CCNL2: variants seen among roughly 807,000 people sequenced by gnomAD.
The protein encoded by CCNL2 is cyclin-L2.
In CCNL2, 28 loss-of-function variants were observed where a neutral mutation model predicts 59.1. That is an observed-to-expected ratio of 0.47 (90% CI 0.35 to 0.65). CCNL2 has a LOEUF of 0.65. Among genes scored for constraint, CCNL2 ranks in the 30% least tolerant of loss-of-function variants. CCNL2 has a pLI of 0.00. For synonymous variants in CCNL2, 342 were observed against 288.6 expected (o/e 1.19, Z -1.88); for missense variants, 714 against 717.4 (o/e 1.00, Z 0.05).
rs1293290546 is a variant in CCNL2 at position 1,388,004 on chromosome 1, C to T, written c.1068G>A (p.Lys356=). The T allele has an allele frequency of 1.2e-6, 2 of 1,613,990 alleles. No individual in the cohort carries two copies. The highest frequency in any genetic ancestry group is 3.3e-5 in the Admixed American group (2 of 60,014). ...KPSPLSVKNT[K]RRLEGAKKAK... ...CTTTCTTGGCGCCCTCCAGCCTCCT[C>T]TTGGTGTTCTTCACAGACAGTGGGG... Residue 356 remains lysine, a synonymous_variant, in exon 9 of 11, where the codon AAG becomes AAA. Coordinates refer to ENST00000400809, the MANE Select transcript of CCNL2 (RefSeq NM_030937.6).
chr1:1,399,054 T>G lies in CCNL2; in HGVS notation c.253A>C (p.Ile85Leu). 1 of 1,607,402 alleles carries G rather than the reference T, an allele frequency of 6.2e-7. No individual in the cohort carries two copies. Among genetic ancestry groups the G allele is most frequent in the Non-Finnish European group, 8.5e-7 (1 of 1,177,928 alleles). Residue 85 changes from isoleucine to leucine, a missense_variant, in exon 1 of 11, where the codon ATC becomes CTC. Physicochemically the swap from Ile to Leu is conservative, Grantham distance 5. Transcript: ENST00000400809. ...TDLRVVGCEL[I>L]QAAGILLRLP... ...CGGAGCAGGATACCGGCCGCCTGGA[T>G]GAGCTCGCAGCCCACCACGCGGAGG... is the stretch of plus-strand genomic sequence containing the variant.
rs1259194156 is a variant in CCNL2 at position 1,398,637 on chromosome 1, C to T, written c.323G>A (p.Arg108Gln). The T allele has an allele frequency of 6.2e-7, 1 of 1,614,038 alleles. No homozygotes were observed. Among genetic ancestry groups the T allele is most frequent in the Admixed American group, 1.7e-5 (1 of 60,030 alleles). ...AMATGQVLFQ[R>Q]FFYTKSFVKH... ...CACGAAGGACTTGGTATAAAAGAAC[C>T]GCTGGAACAACACCTGCCCGGTAGC... Residue 108 changes from arginine (R) to glutamine (Q), a missense_variant, in exon 2 of 11, where the codon CGG becomes CAG. Physicochemically the swap from Arg to Gln is conservative, Grantham distance 43 (BLOSUM62 1). Coordinates refer to ENST00000400809, the MANE Select transcript of CCNL2 (RefSeq NM_030937.6).
intron 8 of CCNL2, chr1:1,388,591 A>C (rs753228833): frequency 7.0e-6 from 3 of 428,010 alleles, no homozygotes; most frequent in South Asian, 5.1e-5. Context: ...CTCTATATAT[A>C]TATATACATA....
intron 5 of CCNL2, chr1:1,392,543 A>G: frequency 7.2e-7 from 1 of 1,381,502 alleles, no homozygotes; most frequent in Non-Finnish European, 9.3e-7. Context: ...CAGCAGTTTT[A>G]AAGGGACAAA....
intron 8 of CCNL2, 87 bp downstream of exon 8, chr1:1,390,143 G>A (rs1644684795): frequency 1.7e-6 from 2 of 1,203,482 alleles, no homozygotes; most frequent in East Asian, 2.4e-5. Flanking sequence ...ATGTCTGGAA[G>A]GAGCACATAC....
intron 3 of CCNL2, among the ~76,000 whole-genome samples, chr1:1,395,900 C>G (rs1483977421): frequency 6.6e-6 from 1 of 152,166 alleles, no homozygotes; most frequent in East Asian, 1.9e-4. Context: ...ACAGATGGGC[C>G]AGGTGCAGTG....
intron 8 of CCNL2, 126 bp downstream of exon 8, chr1:1,390,104 A>G: frequency 2.3e-6 from 2 of 883,810 alleles, no homozygotes; most frequent in Non-Finnish European, 3.4e-6. Flanking sequence ...GGTGACAGAG[A>G]CCCTGTCTCA....
Position 1,388,054 on chromosome 1 carries a change from TG to T in CCNL2, c.1017del (p.Glu341LysfsTer12). On this transcript the variant is annotated frameshift_variant, in exon 9 of 11. Coordinates refer to ENST00000400809, the MANE Select transcript of CCNL2 (RefSeq NM_030937.6). LOFTEE classifies it high-confidence loss of function. ...FSPAPKLVES[P>X]KEGKGSKPSP... ...GAAGGCTTGCTCCCTTTACCTTCTT[TG>T]GGGGATTCCACTAGAATCAGAACAA... 1 of 1,613,300 alleles carries T rather than the reference TG, an allele frequency of 6.2e-7. No homozygotes were observed. The highest frequency in any genetic ancestry group is 8.5e-7 in the Non-Finnish European group (1 of 1,179,490).
chr1:1,390,747 A>T lies in CCNL2; in HGVS notation c.759+19T>A. 6.2e-7 allele frequency: 1 copy of T among 1,607,238 alleles called. No homozygotes were observed. Among genetic ancestry groups the T allele is most frequent in the Non-Finnish European group, 8.5e-7 (1 of 1,173,750 alleles). Reference sequence around the variant, plus strand: ...AAAAAAATCAGACTAGAATCTCTCCATAGTAGCAACACACTGACCTCCAGC... The same window carrying T: ...AAAAAAATCAGACTAGAATCTCTCCTTAGTAGCAACACACTGACCTCCAGC... On this transcript the variant is annotated intron_variant, in intron 6 of 10. Transcript: ENST00000400809.
At chr1:1,396,404 T>C (rs191302193) in intron 3 of CCNL2, among the ~76,000 whole-genome samples, 13 of 149,430 alleles carry the variant, frequency 8.7e-5, no homozygotes, top group African/African-American at 3.2e-4. Flanking sequence ...GTAGCTGGTA[T>C]TACAGGCATG....
chr1:1,388,168 C>A (rs546582270), intron 8 of CCNL2, 103 bp from the exon 9 acceptor site: 3 of 851,850 alleles, frequency 3.5e-6, no homozygotes, highest in East Asian at 2.4e-5. Flanking sequence ...CAAACAGCGA[C>A]GCAAGCAGAC....
chr1:1,395,226 G>A (rs956739139), intron 4 of CCNL2, 168 bp downstream of exon 4: 1 of 604,434 alleles, frequency 1.7e-6, no homozygotes, highest in East Asian at 2.8e-5. Context: ...GACACTAGAA[G>A]ACGAATACGT....
At chr1:1,392,614 T>A (rs1431546460) in intron 5 of CCNL2, 9 of 1,449,862 alleles carry the variant, frequency 6.2e-6, no homozygotes, top group Non-Finnish European at 8.1e-6. Flanking sequence ...GACAGAGGAT[T>A]AACAAGAAGC....
rs1427450842 is a variant in CCNL2 at position 1,387,439 on chromosome 1, C to T, written c.1355G>A (p.Cys452Tyr). Residue 452 changes from cysteine (C) to tyrosine (Y), a missense_variant, in exon 11 of 11, where the codon TGC becomes TAC. By Grantham distance (194) the Cys-to-Tyr change is radical. Coordinates refer to ENST00000400809, the MANE Select transcript of CCNL2 (RefSeq NM_030937.6). Reference protein sequence around the residue: ...EIRGSRKSKDCKYPQKPHKSR... With the variant: ...EIRGSRKSKDYKYPQKPHKSR... ...CTTGTGTGGCTTCTGGGGGTACTTGCAGTCCTTGGACTTCCGGGAGCCCCG... is the reference window on the plus strand; with the variant it reads ...CTTGTGTGGCTTCTGGGGGTACTTGTAGTCCTTGGACTTCCGGGAGCCCCG... 3.1e-6 allele frequency: 5 copies of T among 1,613,762 alleles called. No homozygotes were observed. Among genetic ancestry groups the T allele is most frequent in the South Asian group, 1.1e-5 (1 of 91,080 alleles).
At chr1:1,390,194 T>C (rs373668257) in intron 8 of CCNL2, 36 bp downstream of exon 8, 4 of 1,572,536 alleles carry the variant, frequency 2.5e-6, no homozygotes, top group Non-Finnish European at 3.5e-6. Flanking sequence ...TCTTTGCCTT[T>C]GTGGGGAGTG....
At chr1:1,396,571 G>GTTTT (rs1175846044) in intron 3 of CCNL2, among the ~76,000 whole-genome samples, 3 of 69,656 alleles carry the variant, frequency 4.3e-5, no homozygotes, top group East Asian at 4.4e-4. Context: ...CGGCAAGGCT[G>GTTTT]TTTTTTTTTT....
rs971330342 is a variant in CCNL2, at chr1:1,391,857, G to A, written c.660-992C>T. 7 of 290,090 alleles carry A rather than the reference G, an allele frequency of 2.4e-5. No individual in the cohort carries two copies. The East Asian group carries it at 3.4e-4, about 14-fold the overall frequency. The allele number at this position is 290,090 out of a possible 1,614,324, so 18.0% of individuals were successfully genotyped here. On this transcript the variant is annotated intron_variant, in intron 5 of 10. Transcript: ENST00000400809. ...AAAACAGAAAGGGTGATTCCATGAG[G>A]ACAGTTGAACTGGTTTTATATTTAC...
chr1:1,396,877 T>C (rs1217579525), intron 3 of CCNL2, among the ~76,000 whole-genome samples: 3 of 152,102 alleles, frequency 2.0e-5, no homozygotes, highest in African/African-American at 4.8e-5. Context: ...GCCTCCCAAG[T>C]AGCTGGGACC....
chr1:1,396,634 G>A (rs1359759533), intron 3 of CCNL2, among the ~76,000 whole-genome samples: 2 of 139,176 alleles, frequency 1.4e-5, no homozygotes, highest in Non-Finnish European at 3.0e-5. Context: ...AGGCTGGAGT[G>A]CAATGGCACA....
Sources: allele counts gnomAD v4.1 joint callset (sites outside exome capture counted in the v4.1 genomes callset), GRCh38; gene constraint gnomAD v4.1.1; transcripts MANE v1.5; gene names NCBI Gene and HGNC (gene_info 2026-07-23, HGNC 2026-07-21).